Variants in MAGI1 observed in about 807,000 individuals in gnomAD.
The protein encoded by MAGI1 is membrane associated guanylate kinase, WW and PDZ domain containing 1.
Under a neutral mutation model 139.9 loss-of-function variants are expected in MAGI1, and 58 were observed. The ratio of observed to expected loss-of-function variants is 0.41; its 90% CI spans 0.34 to 0.52. The LOEUF is 0.52. Ranked by LOEUF, MAGI1 falls within the 20% of genes least tolerant of loss-of-function variation. MAGI1 has a pLI of 0.12. For missense variants in MAGI1, 1,874 were observed against 1,901.6 expected (o/e 0.99, Z 0.27); for synonymous variants, 812 against 737.9 (o/e 1.10, Z -1.63).
Position 65,354,685 on chromosome 3 carries a change from T to C in MAGI1, c.*1693A>G, listed in dbSNP as rs1940124679. 1 of 152,632 alleles carries C rather than the reference T, an allele frequency of 6.6e-6. No individual in the cohort carries two copies. The highest frequency in any genetic ancestry group is 2.4e-5 in the African/African-American group (1 of 41,450). The allele number at this position is 152,632 out of a possible 1,614,324, so 9.5% of individuals were successfully genotyped here. A position where few individuals can be genotyped will look rare whatever the true frequency, so the allele number is the denominator to read the frequency against. On this transcript the variant is annotated 3_prime_UTR_variant, in exon 23 of 23. Transcript: ENST00000402939. ...ACAACTTTACATACCTGATTTAGTT[T>C]ACATTAAAATATATCCCCATGAATC...
At chr3:65,631,877 T>C (rs2084329727) in intron 1 of MAGI1, among the ~76,000 whole-genome samples, 1 of 151,836 alleles carries the variant, frequency 6.6e-6, no homozygotes, top group South Asian at 2.1e-4. Context: ...CACAAAAAAT[T>C]AGACGGGCGT....
At chr3:65,710,415 G>A (rs2031218427) in intron 1 of MAGI1, among the ~76,000 whole-genome samples, 1 of 151,336 alleles carries the variant, frequency 6.6e-6, no homozygotes, top group African/African-American at 2.4e-5. Context: ...TGAGTAGCTG[G>A]GATTACAGGC....
intron 14 of MAGI1, among the ~76,000 whole-genome samples, chr3:65,387,567 A>C (rs1243695578): frequency 6.6e-6 from 1 of 152,166 alleles, no homozygotes; most frequent in East Asian, 1.9e-4. Flanking sequence ...TTGCTTTTTG[A>C]AAAATTTAAG....
chr3:65,796,876 A>G (rs935702995), intron 1 of MAGI1, among the ~76,000 whole-genome samples: 2 of 152,234 alleles, frequency 1.3e-5, no homozygotes, highest in Admixed American at 1.3e-4. Flanking sequence ...ATTTACAGAA[A>G]CAGGCTGTGG....
At position 65,965,756 on chromosome 3, in the gene MAGI1, C is replaced by T. The variant is rs115440750; in HGVS notation, c.313+72240G>A. ...TGCAGTGGCTCACTTCAACCTCCAT[C>T]TCCCAAGTTCAAGCAACACTCCTGC... On this transcript the variant is annotated intron_variant, in intron 1 of 22. Transcript: ENST00000402939. Among the ~76,000 whole-genome samples, 798 of 152,112 alleles carry T rather than the reference C, an allele frequency of 5.2e-3. 9 individuals carry two copies. Among genetic ancestry groups the T allele is most frequent in the African/African-American group, 0.018 (750 of 41,488 alleles).
chr3:65,765,241 C>A (rs1456707854), intron 1 of MAGI1, among the ~76,000 whole-genome samples: 1 of 152,176 alleles, frequency 6.6e-6, no homozygotes, highest in Non-Finnish European at 1.5e-5. Flanking sequence ...ATGAATCCTA[C>A]TTATAGGTCT....
At chr3:65,374,811 G>T (rs755458795) in intron 18 of MAGI1, among the ~76,000 whole-genome samples, 2 of 152,080 alleles carry the variant, frequency 1.3e-5, no homozygotes, top group Non-Finnish European at 2.9e-5. Flanking sequence ...TTACATAAAA[G>T]AACCAAAGAT....
chr3:65,402,700 CAAGT>C (rs1945009194), intron 12 of MAGI1, among the ~76,000 whole-genome samples: 1 of 152,006 alleles, frequency 6.6e-6, no homozygotes, highest in Non-Finnish European at 1.5e-5. Context: ...GAGTTCAGCA[CAAGT>C]AATATGAGGC....
At position 65,574,445 on chromosome 3, in the gene MAGI1, T is replaced by TAA. The variant is rs56669559; in HGVS notation, c.430+47525_430+47526dup. ...AGATGTAAATGACCTGCATAGAAAC[T>TAA]AAAAAAAAAAAAAAAAAATGTACTG... is the stretch of plus-strand genomic sequence containing the variant. On this transcript the variant is annotated intron_variant, in intron 2 of 22. Coordinates refer to ENST00000402939, the MANE Select transcript of MAGI1 (RefSeq NM_001033057.2). 5.3e-3 allele frequency among the ~76,000 whole-genome samples: 579 copies of TAA among 108,554 alleles called. 4 individuals are homozygous for TAA. The highest frequency in any genetic ancestry group is 0.016 in the African/African-American group (502 of 30,782). 71.2% of individuals were successfully genotyped at this position (108,554 alleles called of 152,430 possible).
At chr3:65,612,873 C>G (rs1576480373) in intron 2 of MAGI1, among the ~76,000 whole-genome samples, 1 of 152,062 alleles carries the variant, frequency 6.6e-6, no homozygotes, top group African/African-American at 2.4e-5. Context: ...CTTCATAAAT[C>G]GTCATGGAAA....
At chr3:66,006,353 T>C (rs1409468219) in intron 1 of MAGI1, among the ~76,000 whole-genome samples, 1 of 152,184 alleles carries the variant, frequency 6.6e-6, no homozygotes, top group Non-Finnish European at 1.5e-5. Context: ...TTGCCCAGCA[T>C]TTTATTTCAA....
intron 1 of MAGI1, among the ~76,000 whole-genome samples, chr3:65,694,162 G>A (rs918219588): frequency 1.3e-4 from 20 of 152,162 alleles, no homozygotes; most frequent in Non-Finnish European, 4.4e-5. Flanking sequence ...CAGAAAACAA[G>A]AGGCATTGAG....
chr3:66,000,165 A>G (rs1192981399), intron 1 of MAGI1, among the ~76,000 whole-genome samples: 2 of 151,936 alleles, frequency 1.3e-5, no homozygotes, highest in African/African-American at 4.8e-5. Flanking sequence ...TTTAGTAGAG[A>G]CAGGGTTTCA....
chr3:65,417,153 A>T (rs1946279309), intron 12 of MAGI1, among the ~76,000 whole-genome samples: 1 of 152,230 alleles, frequency 6.6e-6, no homozygotes, highest in Non-Finnish European at 1.5e-5. Flanking sequence ...GGCTGCAAGC[A>T]CACACTGGGG....
chr3:65,722,962 C>T (rs2033210826), intron 1 of MAGI1, among the ~76,000 whole-genome samples: 1 of 148,878 alleles, frequency 6.7e-6, no homozygotes. Flanking sequence ...ATGTAGATAT[C>T]TGTTGTAGTA....
chr3:66,020,535 G>A (rs931156748), intron 1 of MAGI1, among the ~76,000 whole-genome samples: 8 of 152,122 alleles, frequency 5.3e-5, no homozygotes, highest in African/African-American at 1.9e-4. Flanking sequence ...ATCTTCACAG[G>A]TAGTCAATAC....
intron 1 of MAGI1, among the ~76,000 whole-genome samples, chr3:65,899,487 G>A (rs2061127017): frequency 6.6e-6 from 1 of 152,184 alleles, no homozygotes. Flanking sequence ...AGAAAAAACT[G>A]AGATCATTTC....
intron 13 of MAGI1, among the ~76,000 whole-genome samples, chr3:65,391,581 C>T (rs955873856): frequency 2.6e-5 from 4 of 152,166 alleles, no homozygotes; most frequent in South Asian, 4.1e-4. Context: ...ATAATCATAA[C>T]CCATACTGCT....
intron 2 of MAGI1, among the ~76,000 whole-genome samples, chr3:65,598,804 G>A (rs960058609): frequency 6.6e-6 from 1 of 152,170 alleles, no homozygotes; most frequent in Non-Finnish European, 1.5e-5. Context: ...CTAAGAGCCG[G>A]CGGTATCACC....
Sources: allele counts gnomAD v4.1 joint callset (sites outside exome capture counted in the v4.1 genomes callset), GRCh38; gene constraint gnomAD v4.1.1; transcripts MANE v1.5; gene names NCBI Gene and HGNC (gene_info 2026-07-23, HGNC 2026-07-21).